TMEM192: variants seen among roughly 807,000 people sequenced by gnomAD.
TMEM192 encodes the protein transmembrane protein 192.
TMEM192 carries 20 observed loss-of-function variants against 26.7 expected under a neutral mutation model. That is an observed-to-expected ratio of 0.75 (90% CI 0.53 to 1.09). The LOEUF (loss-of-function observed/expected upper bound fraction) is 1.09. TMEM192 is among the 50% of genes least tolerant of loss of function. The pLI is 0.00. For missense variants in TMEM192, 304 were observed against 322.6 expected, an observed-to-expected ratio of 0.94 and a Z score of 0.44; for synonymous variants, 124 against 121.0, an observed-to-expected ratio of 1.02 and a Z score of -0.16.
At chr4:165,090,152 G>A (rs989987925) in intron 3 of TMEM192, among the ~76,000 whole-genome samples, 3 of 147,748 alleles carry the variant, frequency 2.0e-5, no homozygotes, top group Non-Finnish European at 3.0e-5. Context: ...TGGAGGTTGC[G>A]GTGAGCCAAG....
chr4:165,082,001 A>G (rs62352184), intron 5 of TMEM192, among the ~76,000 whole-genome samples: 1 of 17,450 alleles, frequency 5.7e-5, no homozygotes, highest in African/African-American at 1.1e-4. Context: ...ACAGAGTCTC[A>G]CTCCATTGCC....
intron 5 of TMEM192, among the ~76,000 whole-genome samples, chr4:165,084,079 T>G (rs1221550495): frequency 6.6e-6 from 1 of 151,700 alleles, no homozygotes; most frequent in East Asian, 1.9e-4. Flanking sequence ...CTCAGCCTCT[T>G]AAAAGTGCTA....
chr4:165,073,170 A>T lies in TMEM192; in HGVS notation c.*6488T>A, dbSNP rs1432273655. 2 of 152,992 alleles carry T rather than the reference A, an allele frequency of 1.3e-5. No individual in the cohort carries two copies. Among genetic ancestry groups the T allele is most frequent in the African/African-American group, 4.8e-5 (2 of 41,472 alleles). 9.5% of individuals were successfully genotyped at this position (152,992 alleles called of 1,614,324 possible). A position where few individuals can be genotyped will look rare whatever the true frequency, so the allele number is the denominator to read the frequency against. ...GAGAGATCAGATTGTTACTGTGTCT[A>T]TGTAGAAAAAGAAGACATAAGAAAC... On this transcript the variant is annotated 3_prime_UTR_variant, in exon 6 of 6. Coordinates refer to ENST00000306480, the MANE Select transcript of TMEM192 (RefSeq NM_001100389.2).
At chr4:165,095,919 C>T (rs183534648) in intron 3 of TMEM192, among the ~76,000 whole-genome samples, 137 of 150,880 alleles carry the variant, frequency 9.1e-4, no homozygotes, top group Middle Eastern at 3.4e-3. Flanking sequence ...GGATTATAGG[C>T]GCCCACCACC....
intron 3 of TMEM192, among the ~76,000 whole-genome samples, chr4:165,094,081 A>G (rs1323063869): frequency 6.6e-6 from 1 of 152,028 alleles, no homozygotes; most frequent in Non-Finnish European, 1.5e-5. Context: ...TTGTATTTTT[A>G]GTAGAGAGGG....
chr4:165,102,611 C>T (rs1052640772), intron 2 of TMEM192, among the ~76,000 whole-genome samples: 1 of 152,090 alleles, frequency 6.6e-6, no homozygotes, highest in African/African-American at 2.4e-5. Flanking sequence ...TTAACAGTTG[C>T]ATAGCATTTC....
chr4:165,098,105 A>T (rs1250777380), intron 3 of TMEM192, among the ~76,000 whole-genome samples: 1 of 151,482 alleles, frequency 6.6e-6, no homozygotes, highest in East Asian at 2.0e-4. Context: ...CTAGCATTAC[A>T]GGCATGAGCC....
intron 3 of TMEM192, among the ~76,000 whole-genome samples, chr4:165,089,868 A>G (rs1026396571): frequency 2.6e-5 from 4 of 152,076 alleles, no homozygotes; most frequent in African/African-American, 7.2e-5. Flanking sequence ...CCCAACAGGT[A>G]TATTTGGTTT....
chr4:165,095,424 G>C (rs1230497524), intron 3 of TMEM192, among the ~76,000 whole-genome samples: 5 of 152,144 alleles, frequency 3.3e-5, no homozygotes, highest in South Asian at 4.1e-4. Flanking sequence ...AGACATCAGT[G>C]AGGACTCCAG....
intron 3 of TMEM192, among the ~76,000 whole-genome samples, chr4:165,095,015 A>G (rs1272396962): frequency 6.6e-6 from 1 of 151,950 alleles, no homozygotes; most frequent in East Asian, 1.9e-4. Flanking sequence ...CTTGCTATTC[A>G]TTAAGAATAT....
Position 165,074,055 on chromosome 4 carries a change from T to G in TMEM192, c.*5603A>C, listed in dbSNP as rs969975081. Reference sequence around the variant, plus strand: ...TTATACTTTGTCTCTGTGTCTTATTTCTTTTCTCAGTCTCTCGTCCCACCT... The same window carrying G: ...TTATACTTTGTCTCTGTGTCTTATTGCTTTTCTCAGTCTCTCGTCCCACCT... On this transcript the variant is annotated 3_prime_UTR_variant, in exon 6 of 6. Transcript: ENST00000306480. 1.3e-5 allele frequency: 2 copies of G among 152,064 alleles called. No individual in the cohort carries two copies. The highest frequency in any genetic ancestry group is 4.8e-5 in the African/African-American group (2 of 41,422). 9.4% of individuals were successfully genotyped at this position (152,064 alleles called of 1,614,324 possible). A position where few individuals can be genotyped will look rare whatever the true frequency, so the allele number is the denominator to read the frequency against.
intron 1 of TMEM192, among the ~76,000 whole-genome samples, chr4:165,108,110 CCCTTTTTTT>C (rs1735209276): frequency 8.4e-6 from 1 of 119,476 alleles, no homozygotes; most frequent in Admixed American, 1.1e-4. Context: ...TTTCTGTATT[CCCTTTTTTT>C]TTTTTTTTTT....
intron 3 of TMEM192, among the ~76,000 whole-genome samples, chr4:165,089,835 C>T (rs1734712450): frequency 6.6e-6 from 1 of 152,140 alleles, no homozygotes; most frequent in Non-Finnish European, 1.5e-5. Context: ...AAGCCCTGCA[C>T]TTTGGAGTAT....
Position 165,079,538 on chromosome 4 carries a change from A to T in TMEM192, c.*120T>A. ...AGTCAGAACCAAATTCAGGTTTCCA[A>T]CAAACACTGTAAAATGCTATTCAGC... On this transcript the variant is annotated 3_prime_UTR_variant, in exon 6 of 6. Transcript: ENST00000306480. The T allele has an allele frequency of 8.3e-7, 1 of 1,204,970 alleles. No individual in the cohort carries two copies. The highest frequency in any genetic ancestry group is 1.1e-6 in the Non-Finnish European group (1 of 895,926). 74.6% of individuals were successfully genotyped at this position (1,204,970 alleles called of 1,614,324 possible). A position where few individuals can be genotyped will look rare whatever the true frequency, so the allele number is the denominator to read the frequency against.
chr4:165,099,464 T>G (rs1321526709), intron 3 of TMEM192, among the ~76,000 whole-genome samples: 3 of 152,180 alleles, frequency 2.0e-5, no homozygotes, highest in African/African-American at 7.2e-5. Context: ...TCTGCAACGA[T>G]AAAGAAAAGC....
At chr4:165,111,404 G>A (rs1375947115) in intron 1 of TMEM192, among the ~76,000 whole-genome samples, 1 of 152,224 alleles carries the variant, frequency 6.6e-6, no homozygotes, top group Admixed American at 6.5e-5. Flanking sequence ...CCAGGCTCCA[G>A]TGTTTGAGGA....
chr4:165,090,926 A>AAAAAAAAAG (rs1734745474), intron 3 of TMEM192, among the ~76,000 whole-genome samples: 1 of 149,832 alleles, frequency 6.7e-6, no homozygotes, highest in Admixed American at 6.7e-5. Context: ...AAAAAAAAAA[A>AAAAAAAAAG]AAAGGTCATA....
rs1734322908 is a variant in TMEM192, at chr4:165,074,112, GACCCCCC to G, written c.*5539_*5545del. 2.4e-5 allele frequency: 1 copy of G among 41,572 alleles called. No individual in the cohort carries two copies. The highest frequency in any genetic ancestry group is 3.0e-4 in the Admixed American group (1 of 3,332). 2.6% of individuals were successfully genotyped at this position (41,572 alleles called of 1,614,324 possible). A position where few individuals can be genotyped will look rare whatever the true frequency, so the allele number is the denominator to read the frequency against. Reference sequence around the variant, plus strand: ...AAATACCCACAGGTGTGGAGGGGCAGACCCCCCCTCAATCAACTGAGCCAAGTGTTGC... The same window carrying G: ...AAATACCCACAGGTGTGGAGGGGCAGCTCAATCAACTGAGCCAAGTGTTGC... On this transcript the variant is annotated 3_prime_UTR_variant, in exon 6 of 6. Transcript: ENST00000306480.
In TMEM192 at chr4:165,071,045, G is replaced by T. The variant is rs1207444572; in HGVS notation, c.*8613C>A. 6.6e-6 allele frequency: 1 copy of T among 151,862 alleles called. No homozygotes were observed. The highest frequency in any genetic ancestry group is 1.5e-5 in the Non-Finnish European group (1 of 68,000). 9.4% of individuals were successfully genotyped at this position (151,862 alleles called of 1,614,324 possible). A position where few individuals can be genotyped will look rare whatever the true frequency, so the allele number is the denominator to read the frequency against. On this transcript the variant is annotated 3_prime_UTR_variant, in exon 6 of 6. Transcript: ENST00000306480. ...ATGCCTGGAGCCACAGGTCTGCAGG[G>T]GAATCATTGCAAGACCTCAGGTGAT...
Sources: allele counts gnomAD v4.1 joint callset (sites outside exome capture counted in the v4.1 genomes callset), GRCh38; gene constraint gnomAD v4.1.1; transcripts MANE v1.5; gene names NCBI Gene and HGNC (gene_info 2026-07-23, HGNC 2026-07-21).